NALF1: variants seen among roughly 807,000 people sequenced by gnomAD.
NALF1 encodes the protein family with sequence similarity 155 member A.
A neutral mutation model predicts 48.4 loss-of-function variants in NALF1; 3 were observed. That is an observed-to-expected ratio of 0.06 (90% CI 0.03 to 0.16). NALF1 has a LOEUF of 0.16. Ranked by LOEUF, NALF1 falls within the 10% of genes least tolerant of loss-of-function variation. The pLI is 1.00. For missense variants in NALF1, 526 were observed against 571.5 expected (o/e 0.92, Z 0.81); for synonymous variants, 262 against 245.7 (o/e 1.07, Z -0.62).
intron 1 of NALF1, among the ~76,000 whole-genome samples, chr13:107,794,435 C>T (rs4322525): frequency 0.45 from 68,136 of 150,376 alleles, 16,255 homozygotes; most frequent in East Asian, 0.73. Context: ...TTAATGATGA[C>T]AGGGTAAATC....
Position 107,858,069 on chromosome 13 carries a change from C to T in NALF1, c.915+7613G>A, listed in dbSNP as rs570566108. On this transcript the variant is annotated intron_variant, in intron 1 of 2. Transcript: ENST00000375915. ...CTCTAAACGTGAAATCAGAAACCTT[C>T]GTGTTCTTCTGATCTTCACATTATT... Among the ~76,000 whole-genome samples, 10 of 152,332 alleles carry T rather than the reference C, an allele frequency of 6.6e-5. No homozygotes were observed. The South Asian group carries it at 1.0e-3, about 16-fold the overall frequency.
In NALF1 at chr13:107,283,063, G is replaced by A. The variant is rs1018628245; in HGVS notation, c.916-72308C>T. Among the ~76,000 whole-genome samples, 9 of 152,260 alleles carry A rather than the reference G, an allele frequency of 5.9e-5. No homozygotes were observed. In the East Asian group the frequency reaches 7.7e-4, roughly 13 times the overall value. ...AAACGGTCAGTACAGAGGAACGGAC[G>A]GGAGCCCTAAGGAGTTGATGAGGAG... On this transcript the variant is annotated intron_variant, in intron 1 of 2. Transcript: ENST00000375915.
chr13:107,445,819 T>C (rs1286755738), intron 1 of NALF1, among the ~76,000 whole-genome samples: 2 of 152,100 alleles, frequency 1.3e-5, no homozygotes, highest in African/African-American at 2.4e-5. Flanking sequence ...CAAATGGCTA[T>C]TGGTGATGAG....
chr13:107,711,453 A>G (rs889711802), intron 1 of NALF1, among the ~76,000 whole-genome samples: 1 of 152,222 alleles, frequency 6.6e-6, no homozygotes, highest in African/African-American at 2.4e-5. Flanking sequence ...CTCCCGTCTC[A>G]GCCTCTGGAG....
At chr13:107,616,515 A>C (rs1349590765) in intron 1 of NALF1, among the ~76,000 whole-genome samples, 1 of 152,240 alleles carries the variant, frequency 6.6e-6, no homozygotes, top group Admixed American at 6.5e-5. Flanking sequence ...TTAAAATTGA[A>C]AACAAAATAC....
Position 107,248,953 on chromosome 13 carries a change from T to TAC in NALF1, c.916-38200_916-38199dup, listed in dbSNP as rs1170398497. On this transcript the variant is annotated intron_variant, in intron 1 of 2. Transcript: ENST00000375915. ...TTAAGATAACATATATATATATTTG[T>TAC]ACACACACATATATATATGTATATA... Among the ~76,000 whole-genome samples, 69 of 145,014 alleles carry TAC rather than the reference T, an allele frequency of 4.8e-4. 1 individual carries two copies. Among genetic ancestry groups the TAC allele is most frequent in the African/African-American group, 1.7e-3 (63 of 37,956 alleles).
At chr13:107,485,620 T>A (rs1226633230) in intron 1 of NALF1, among the ~76,000 whole-genome samples, 3 of 152,200 alleles carry the variant, frequency 2.0e-5, no homozygotes, top group Non-Finnish European at 4.4e-5. Context: ...TTTATTTCTA[T>A]ATTTCTTGTA....
intron 1 of NALF1, among the ~76,000 whole-genome samples, chr13:107,425,790 T>C (rs1438831176): frequency 6.6e-6 from 1 of 152,150 alleles, no homozygotes; most frequent in African/African-American, 2.4e-5. Context: ...TAGTATGGTG[T>C]TGAGTATGCA....
intron 2 of NALF1, among the ~76,000 whole-genome samples, chr13:107,176,419 G>A (rs1263599825): frequency 6.7e-6 from 1 of 150,024 alleles, no homozygotes; most frequent in Non-Finnish European, 1.5e-5. Flanking sequence ...GAGGCAGGCA[G>A]ATCACGAGGT....
At chr13:107,820,214 A>G (rs1879325457) in intron 1 of NALF1, among the ~76,000 whole-genome samples, 1 of 152,212 alleles carries the variant, frequency 6.6e-6, no homozygotes, top group Admixed American at 6.5e-5. Flanking sequence ...ATTCTGCATA[A>G]GGTAAGAGAT....
intron 1 of NALF1, among the ~76,000 whole-genome samples, chr13:107,498,737 C>T (rs1875418998): frequency 6.6e-6 from 1 of 152,026 alleles, no homozygotes; most frequent in Admixed American, 6.6e-5. Context: ...TATTCTTGTT[C>T]CTTTTATTGT....
At chr13:107,784,012 GCTCCC>G (rs1465094305) in intron 1 of NALF1, among the ~76,000 whole-genome samples, 2 of 151,958 alleles carry the variant, frequency 1.3e-5, no homozygotes, top group Admixed American at 1.3e-4. Context: ...CCACACAACC[GCTCCC>G]CTCAGTGAGT....
chr13:107,174,448 C>T (rs1022791404), intron 2 of NALF1, among the ~76,000 whole-genome samples: 34 of 151,980 alleles, frequency 2.2e-4, no homozygotes, highest in African/African-American at 6.3e-4. Flanking sequence ...CTCTGCCTCC[C>T]GGGTTCAAGT....
At chr13:107,260,246 T>C (rs1007909446) in intron 1 of NALF1, among the ~76,000 whole-genome samples, 1 of 152,224 alleles carries the variant, frequency 6.6e-6, no homozygotes, top group Non-Finnish European at 1.5e-5. Flanking sequence ...ATCGTTAACA[T>C]TGTTGCATAT....
chr13:107,745,385 A>C (rs540921336), intron 1 of NALF1, among the ~76,000 whole-genome samples: 1 of 152,186 alleles, frequency 6.6e-6, no homozygotes, highest in Non-Finnish European at 1.5e-5. Context: ...TGAGTTTCAA[A>C]AAATGTTCTT....
chr13:107,773,765 T>G (rs554759104), intron 1 of NALF1, among the ~76,000 whole-genome samples: 2 of 146,766 alleles, frequency 1.4e-5, no homozygotes, highest in African/African-American at 5.0e-5. Context: ...CATTAGGAGA[T>G]ATACCTAATG....
At chr13:107,311,682 G>C (rs1346394308) in intron 1 of NALF1, among the ~76,000 whole-genome samples, 1 of 151,336 alleles carries the variant, frequency 6.6e-6, no homozygotes, top group African/African-American at 2.4e-5. Context: ...CTGACAAAGG[G>C]CTAATATCCA....
intron 1 of NALF1, among the ~76,000 whole-genome samples, chr13:107,622,078 TG>T (rs1374083753): frequency 6.6e-6 from 1 of 151,478 alleles, no homozygotes; most frequent in East Asian, 2.0e-4. Context: ...CTGCAACCTC[TG>T]CCCCCCAGTT....
chr13:107,652,065 T>G (rs2138468519), intron 1 of NALF1, among the ~76,000 whole-genome samples: 1 of 152,346 alleles, frequency 6.6e-6, no homozygotes, highest in African/African-American at 2.4e-5. Flanking sequence ...AAGAAAATAC[T>G]TATGATGCAG....
Sources: gnomAD v4.1 joint callset for allele counts (sites outside exome capture counted in the v4.1 genomes callset) on GRCh38, gnomAD v4.1.1 for gene constraint, MANE v1.5 for transcripts, NCBI Gene and HGNC (gene_info 2026-07-23, HGNC 2026-07-21) for gene names.